Variants in NPC1 observed in about 807,000 individuals in gnomAD.
NPC1 encodes the protein NPC intracellular cholesterol transporter 1.
Under a neutral mutation model 140.4 loss-of-function variants are expected in NPC1, and 85 were observed. The observed-to-expected ratio is 0.61, with a 90% CI of 0.51 to 0.72. The LOEUF is 0.72. Among genes scored for constraint, NPC1 ranks in the 30% least tolerant of loss-of-function variants. NPC1 has a pLI of 0.00. For missense variants in NPC1, 1,504 were observed against 1,623.8 expected (o/e 0.93, Z 1.27); for synonymous variants, 656 against 624.8 (o/e 1.05, Z -0.74).
chr18:23,521,080 C>A (rs1404088052), downstream of NPC1, among the ~76,000 whole-genome samples: 2 of 152,132 alleles, frequency 1.3e-5, no homozygotes, highest in African/African-American at 4.8e-5. Context: ...GTCTTGAACT[C>A]CTGACCTCAG....
At position 23,532,171 on chromosome 18, in the gene NPC1, C is replaced by T; in HGVS notation, c.*31G>A. The T allele has an allele frequency of 6.2e-7, 1 of 1,612,856 alleles. No individual in the cohort carries two copies. Among genetic ancestry groups the T allele is most frequent in the Non-Finnish European group, 8.5e-7 (1 of 1,180,024 alleles). ...AGTGGTAAACCGACCGACCCTTAGA[C>T]ACAGTTCAGTCAGGATGCCCTGCGA... On this transcript the variant is annotated 3_prime_UTR_variant, in exon 25 of 25. Coordinates refer to ENST00000269228, the MANE Select transcript of NPC1 (RefSeq NM_000271.5).
At chr18:23,555,594 T>C (rs2058938828) in intron 8 of NPC1, among the ~76,000 whole-genome samples, 1 of 152,218 alleles carries the variant, frequency 6.6e-6, no homozygotes, top group South Asian at 2.1e-4. Flanking sequence ...AACCATGTGA[T>C]TATACATTCA....
chr18:23,516,223 C>T (rs1476538541), intron 3 of NPC1: 24 of 1,443,660 alleles, frequency 1.7e-5, no homozygotes, highest in South Asian at 8.1e-5. Context: ...GATCCAAAGA[C>T]GAAGTCTGTG....
At chr18:23,543,700 A>G in intron 13 of NPC1, 131 bp from the exon 14 acceptor site, 1 of 660,832 alleles carries the variant, frequency 1.5e-6, no homozygotes, top group Non-Finnish European at 2.7e-6. Flanking sequence ...TTCTAAGCAT[A>G]TAAACTTCGG....
downstream of NPC1, chr18:23,530,685 G>A: frequency 7.0e-7 from 1 of 1,437,014 alleles, no homozygotes; most frequent in Non-Finnish European, 9.5e-7. Flanking sequence ...CAGCTGGTGG[G>A]CGAGGACCCT....
At chr18:23,551,508 G>A (rs2058872218) in intron 10 of NPC1, 119 bp downstream of exon 10, 2 of 818,900 alleles carry the variant, frequency 2.4e-6, no homozygotes, top group Non-Finnish European at 4.3e-6. Context: ...TGGGATTCAA[G>A]AGGTAAGAAA....
chr18:23,524,070 T>A, intron 1 of NPC1: 1 of 1,536,992 alleles, frequency 6.5e-7, no homozygotes, highest in East Asian at 2.2e-5. Flanking sequence ...GTGTCATAAG[T>A]ACCAGCATTT....
chr18:23,544,291 C>G, intron 13 of NPC1, 53 bp downstream of exon 13: 2 of 1,563,296 alleles, frequency 1.3e-6, no homozygotes, highest in Non-Finnish European at 1.8e-6. Context: ...GAGCCATTCA[C>G]AGTCCCTGAA....
At chr18:23,534,699 G>A in intron 22 of NPC1, 140 bp from the exon 23 acceptor site, 1 of 717,728 alleles carries the variant, frequency 1.4e-6, no homozygotes, top group Middle Eastern at 2.5e-4. Flanking sequence ...GACTTACAAG[G>A]CCTCCATCAC....
chr18:23,524,701 A>C (rs1423160283), downstream of NPC1, among the ~76,000 whole-genome samples: 1 of 152,034 alleles, frequency 6.6e-6, no homozygotes, highest in Non-Finnish European at 1.5e-5. Flanking sequence ...ACAACTAAGA[A>C]TGCCATTCTC....
At chr18:23,580,525 T>C (rs1417670703) in intron 1 of NPC1, among the ~76,000 whole-genome samples, 1 of 152,256 alleles carries the variant, frequency 6.6e-6, no homozygotes, top group Admixed American at 6.5e-5. Flanking sequence ...TCAGTATCAC[T>C]GACAGTCCTC....
chr18:23,574,202 T>G (rs560995582), intron 1 of NPC1, among the ~76,000 whole-genome samples: 1 of 152,172 alleles, frequency 6.6e-6, no homozygotes, highest in African/African-American at 2.4e-5. Flanking sequence ...ATTTCCCATG[T>G]GAGAGTCACA....
intron 1 of NPC1, among the ~76,000 whole-genome samples, chr18:23,575,527 G>C (rs58377738): frequency 0.027 from 4,148 of 152,010 alleles, 194 homozygotes; most frequent in African/African-American, 0.096. Context: ...TACCTCACAG[G>C]TTCCTGTGAA....
At chr18:23,527,862 G>A, downstream of NPC1, 3 of 1,614,106 alleles carry the variant, frequency 1.9e-6, no homozygotes, top group Non-Finnish European at 2.5e-6. Context: ...TCAACCATGA[G>A]TATAAAAAGT....
Position 23,541,322 on chromosome 18 carries a change from T to TCTAAC in NPC1, c.2352_2356dup (p.Asp786GlyfsTer2). The TCTAAC allele has an allele frequency of 6.2e-7, 1 of 1,614,190 alleles. No homozygotes were observed. Among genetic ancestry groups the TCTAAC allele is most frequent in the Non-Finnish European group, 8.5e-7 (1 of 1,180,044 alleles). The stretch of plus-strand genomic sequence containing the variant: ...CCAACTTACCTCTTGACGTTTAATG[T>TCTAAC]CTAACCCCAAGAGACTCACGAAACA... On this transcript the variant is annotated stop_gained and frameshift_variant, in exon 15 of 25. Coordinates refer to ENST00000269228, the MANE Select transcript of NPC1 (RefSeq NM_000271.5). LOFTEE classifies it high-confidence loss of function.
Position 23,557,329 on chromosome 18 carries a change from A to G in NPC1, c.882-139T>C, listed in dbSNP as rs111268113. ...CCCTAATTACTGCCTTCTTTCCCCT[A>G]AGTCCCCTTGCTCTGGGTCCCTCTG... On this transcript the variant is annotated intron_variant, in intron 6 of 24. Transcript: ENST00000269228. The G allele has an allele frequency of 1.1e-4, 81 of 710,294 alleles. No individual in the cohort carries two copies. In the African/African-American group the frequency reaches 1.1e-3, roughly 10 times the overall value. 44.0% of individuals were successfully genotyped at this position (710,294 alleles called of 1,614,324 possible).
At chr18:23,574,578 A>C (rs913986981) in intron 1 of NPC1, among the ~76,000 whole-genome samples, 4 of 152,194 alleles carry the variant, frequency 2.6e-5, no homozygotes, top group African/African-American at 7.2e-5. Flanking sequence ...AAATCCCACA[A>C]CAGTCCCTGA....
At chr18:23,528,081 C>T, downstream of NPC1, 1 of 541,724 alleles carries the variant, frequency 1.8e-6, no homozygotes, top group Non-Finnish European at 3.2e-6. Flanking sequence ...AATTCAGGGT[C>T]CCTGCATCCC....
At chr18:23,529,405 T>G, downstream of NPC1, 1 of 1,470,690 alleles carries the variant, frequency 6.8e-7, no homozygotes, top group Non-Finnish European at 9.0e-7. Context: ...GTGATTAGAA[T>G]CACTGGAGTT....
Sources: allele counts gnomAD v4.1 joint callset (sites outside exome capture counted in the v4.1 genomes callset), GRCh38; gene constraint gnomAD v4.1.1; transcripts MANE v1.5; gene names NCBI Gene and HGNC (gene_info 2026-07-23, HGNC 2026-07-21).